The following RIN3 variants were observed in gnomAD, a reference collection of about 807,000 sequenced individuals.
The protein encoded by RIN3 is RAB5 interacting protein 3.
RIN3 carries 54 observed loss-of-function variants against 76.3 expected under a neutral mutation model. The ratio of observed to expected loss-of-function variants is 0.71; its 90% confidence interval spans 0.57 to 0.89. RIN3 has a LOEUF of 0.89. Ranked by LOEUF, RIN3 falls within the 40% of genes least tolerant of loss-of-function variation. RIN3 has a pLI of 0.00. For missense variants in RIN3, 1,256 were observed against 1,322.1 expected, an observed-to-expected ratio of 0.95 and a Z score of 0.78; for synonymous variants, 576 against 564.0, an observed-to-expected ratio of 1.02 and a Z score of -0.30.
intron 1 of RIN3, among the ~76,000 whole-genome samples, chr14:92,526,992 A>C (rs7160605): frequency 0.27 from 39,196 of 145,310 alleles, 9,200 homozygotes; most frequent in African/African-American, 0.64. Context: ...CCATTCTCGG[A>C]CTCCATTGTC....
At position 92,557,593 on chromosome 14, in the gene RIN3, T is replaced by C. The variant is rs1361660360; in HGVS notation, c.249+1638T>C. Among the ~76,000 whole-genome samples, 3 of 152,244 alleles carry C rather than the reference T, an allele frequency of 2.0e-5. No individual in the cohort carries two copies. The East Asian group carries it at 5.8e-4, about 29-fold the overall frequency. ...TGAAAATCGGAATTACTAGAACTTA[T>C]GGGGCCTTCTGCAAAGTCCTGACCT... On this transcript the variant is annotated intron_variant, in intron 2 of 9. Coordinates refer to ENST00000216487, the MANE Select transcript of RIN3 (RefSeq NM_024832.5).
In RIN3 at chr14:92,568,384, A is replaced by G. The variant is rs1001625988; in HGVS notation, c.250-8976A>G. On this transcript the variant is annotated intron_variant, in intron 2 of 9. Transcript: ENST00000216487. This position sits in a 1 kb window ranked among gnomAD's most constrained non-coding sequence, Gnocchi z 4.2. The stretch of plus-strand genomic sequence containing the variant: ...GCTGCCTGACACTGACTTGGGCCAA[A>G]ATCTGCCAGATTTAAGCTGAGATAA... 2.6e-5 allele frequency among the ~76,000 whole-genome samples: 4 copies of G among 152,288 alleles called. No individual in the cohort carries two copies. The East Asian group carries it at 7.7e-4, about 29-fold the overall frequency.
intron 3 of RIN3, 86 bp downstream of exon 3, chr14:92,577,563 C>T (rs1898288817): frequency 2.7e-6 from 2 of 742,224 alleles, no homozygotes; most frequent in Admixed American, 2.1e-5. Flanking sequence ...ACAGACTCCC[C>T]TGTATGCACT....
At chr14:92,603,856 C>T (rs892555242) in intron 3 of RIN3, among the ~76,000 whole-genome samples, 6 of 152,218 alleles carry the variant, frequency 3.9e-5, no homozygotes, top group African/African-American at 7.2e-5. Flanking sequence ...CTGGAACCAG[C>T]GGGTCCCTGG....
intron 4 of RIN3, among the ~76,000 whole-genome samples, chr14:92,621,854 G>C (rs976214613): frequency 1.7e-4 from 26 of 152,150 alleles, no homozygotes; most frequent in African/African-American, 5.8e-4. Context: ...AAATCCAGTA[G>C]CTCGGAACCT....
intron 5 of RIN3, among the ~76,000 whole-genome samples, chr14:92,645,857 C>A (rs1448446924): frequency 2.0e-5 from 3 of 151,820 alleles, no homozygotes; most frequent in Non-Finnish European, 4.4e-5. Context: ...GAGGTTGAGG[C>A]AGGAGAATCA....
chr14:92,683,033 G>A (rs1888721655), intron 8 of RIN3, among the ~76,000 whole-genome samples: 3 of 152,160 alleles, frequency 2.0e-5, no homozygotes, highest in African/African-American at 7.2e-5. Context: ...CAGGCGTGGT[G>A]GTGCGTGCCT....
intron 8 of RIN3, among the ~76,000 whole-genome samples, chr14:92,676,877 C>T (rs1425390554): frequency 6.6e-6 from 1 of 152,124 alleles, no homozygotes; most frequent in Non-Finnish European, 1.5e-5. Flanking sequence ...GCATGTTACC[C>T]AGACTGTGCA....
rs543704886 is a variant in RIN3 at position 92,545,494 on chromosome 14, C to T, written c.45-10257C>T. On this transcript the variant is annotated intron_variant, in intron 1 of 9. Transcript: ENST00000216487. ...AATTCTTGTTGGTACACTCCTTTCG[C>T]CAGATTCATCAATTATTAACATTTT... Among the ~76,000 whole-genome samples, 3 of 151,706 alleles carry T rather than the reference C, an allele frequency of 2.0e-5. 1 individual carries two copies. In the Middle Eastern group the frequency reaches 0.011, roughly 534 times the overall value.
At chr14:92,663,371 A>G (rs1185203195) in intron 7 of RIN3, among the ~76,000 whole-genome samples, 2 of 152,220 alleles carry the variant, frequency 1.3e-5, no homozygotes, top group Non-Finnish European at 2.9e-5. Context: ...TGGAAAGGGC[A>G]TGGCTGGTGC....
chr14:92,586,576 T>A (rs1332602917), intron 3 of RIN3: 4 of 152,218 alleles, frequency 2.6e-5, no homozygotes, highest in African/African-American at 4.8e-5. Context: ...AGATCTTGAA[T>A]CATAGTGGTG....
chr14:92,569,013 C>T (rs1057442397), intron 2 of RIN3, among the ~76,000 whole-genome samples: 1 of 152,250 alleles, frequency 6.6e-6, no homozygotes, highest in Non-Finnish European at 1.5e-5. Context: ...CTGAGTGATA[C>T]CAGTCCTGGT....
chr14:92,559,296 G>A (rs1020835914), intron 2 of RIN3, among the ~76,000 whole-genome samples: 1 of 152,218 alleles, frequency 6.6e-6, no homozygotes, highest in African/African-American at 2.4e-5. Context: ...AGGGATGGGT[G>A]GGACACCAGC....
intron 4 of RIN3, among the ~76,000 whole-genome samples, chr14:92,636,306 C>T (rs763230259): frequency 2.0e-5 from 3 of 152,250 alleles, no homozygotes; most frequent in Non-Finnish European, 4.4e-5. Context: ...AAAATAGTAG[C>T]TGGGCACAGC....
Position 92,688,235 on chromosome 14 carries a change from G to C in RIN3, c.2941G>C (p.Glu981Gln), listed in dbSNP as rs752487343. The C allele has an allele frequency of 1.1e-5, 17 of 1,592,650 alleles. No homozygotes were observed. Among genetic ancestry groups the C allele is most frequent in the African/African-American group, 2.7e-5 (2 of 74,558 alleles). ...GAGCCCGCCCTGCCTGGTGGTGCGG[G>C]AGCCCAACTTCCTGTGAGGCCCTCC... ...GGSPPCLVVR[E>Q]PNFL The change falls in exon 10 of 10, where the codon GAG becomes CAG. Residue 981 changes from glutamate to glutamine, a missense_variant. By Grantham distance (29) the Glu-to-Gln change is conservative. Around this residue, in one of 3 missense-constraint regions of RIN3, gnomAD observed 218 missense variants for 174.5 expected, o/e 1.25. Coordinates refer to ENST00000216487, the MANE Select transcript of RIN3 (RefSeq NM_024832.5).
At chr14:92,611,349 C>A (rs1326948064) in intron 3 of RIN3, among the ~76,000 whole-genome samples, 1 of 152,236 alleles carries the variant, frequency 6.6e-6, no homozygotes, top group African/African-American at 2.4e-5. Context: ...TGCAGTGGCA[C>A]GATCTCACCT....
chr14:92,676,004 G>C (rs945554889), intron 7 of RIN3, among the ~76,000 whole-genome samples: 1 of 152,168 alleles, frequency 6.6e-6, no homozygotes, highest in Non-Finnish European at 1.5e-5. Flanking sequence ...AAAGGAAGAA[G>C]GCTGAATGGT....
At chr14:92,538,077 G>A (rs926416484) in intron 1 of RIN3, among the ~76,000 whole-genome samples, 2 of 151,128 alleles carry the variant, frequency 1.3e-5, no homozygotes, top group Non-Finnish European at 2.9e-5. Context: ...CACCTGCCTC[G>A]GCCTCCCAAA....
intron 7 of RIN3, among the ~76,000 whole-genome samples, chr14:92,661,759 A>ACACACAC (rs11436084): frequency 2.0e-5 from 2 of 101,842 alleles, no homozygotes; most frequent in African/African-American, 3.3e-5. Context: ...ACACACACAC[A>ACACACAC]AAAAATAGAA....
Sources: gnomAD v4.1 joint callset for allele counts (sites outside exome capture counted in the v4.1 genomes callset) on GRCh38, gnomAD v4.1.1 for gene constraint, gnomAD v4.1.1 regional missense constraint, Gnocchi (gnomAD v3.1) non-coding constraint, MANE v1.5 for transcripts, NCBI Gene and HGNC (gene_info 2026-07-23, HGNC 2026-07-21) for gene names.